Variants in MYCBP2 observed in about 807,000 individuals in gnomAD.
MYCBP2 encodes E3 ubiquitin-protein ligase MYCBP2.
Under a neutral mutation model 525.3 loss-of-function variants are expected in MYCBP2, and 120 were observed. The ratio of observed to expected loss-of-function variants is 0.23; its 90% CI spans 0.20 to 0.27. The LOEUF (loss-of-function observed/expected upper bound fraction) is 0.27. Among genes scored for constraint, MYCBP2 ranks in the 10% least tolerant of loss-of-function variants. The pLI is 1.00. For missense variants in MYCBP2, 4,149 were observed against 5,657.1 expected (o/e 0.73, Z 8.55); for synonymous variants, 1,894 against 1,955.8 (o/e 0.97, Z 0.83).
At chr13:77,276,157 C>G (rs764662074) in intron 4 of MYCBP2, among the ~76,000 whole-genome samples, 2 of 151,988 alleles carry the variant, frequency 1.3e-5, no homozygotes, top group Non-Finnish European at 2.9e-5. Context: ...AGTGAGTACT[C>G]GAGAATATAA....
chr13:77,178,564 T>C (rs1298150800), intron 34 of MYCBP2, among the ~76,000 whole-genome samples: 4 of 152,280 alleles, frequency 2.6e-5, no homozygotes, highest in East Asian at 1.9e-4. Flanking sequence ...ATACTAATTA[T>C]AGACTTTCAC....
chr13:77,210,065 A>G (rs2063789629), intron 23 of MYCBP2, among the ~76,000 whole-genome samples: 1 of 152,178 alleles, frequency 6.6e-6, no homozygotes, highest in Non-Finnish European at 1.5e-5. Context: ...CCGCAAAAGG[A>G]AAGAAGTGCT....
chr13:77,077,608 G>T (rs2154098150), intron 66 of MYCBP2: 1 of 461,804 alleles, frequency 2.2e-6, no homozygotes, highest in South Asian at 4.0e-5. Context: ...GTTAATACAG[G>T]TTAAGGGATT....
chr13:77,261,747 A>C (rs114249415), intron 11 of MYCBP2, among the ~76,000 whole-genome samples: 234 of 152,204 alleles, frequency 1.5e-3, no homozygotes, highest in African/African-American at 5.3e-3. Flanking sequence ...ACAGAGACAC[A>C]AAGTGAGCAC....
chr13:77,276,277 GA>G (rs1447320117), intron 4 of MYCBP2, among the ~76,000 whole-genome samples: 9 of 151,964 alleles, frequency 5.9e-5, no homozygotes, highest in Admixed American at 1.3e-4. Flanking sequence ...TAATCATCAA[GA>G]TGTTCCACAG....
intron 49 of MYCBP2, among the ~76,000 whole-genome samples, chr13:77,142,621 G>A (rs1466568555): frequency 6.6e-6 from 1 of 152,104 alleles, no homozygotes; most frequent in Non-Finnish European, 1.5e-5. Flanking sequence ...GGGGTCCCAC[G>A]ATAAGGATTA....
chr13:77,208,084 T>G (rs974060576), intron 23 of MYCBP2, among the ~76,000 whole-genome samples: 4 of 152,108 alleles, frequency 2.6e-5, no homozygotes, highest in African/African-American at 9.7e-5. Flanking sequence ...ACATGTGGAT[T>G]CAGTAAGCCT....
rs1323891454 is a variant in MYCBP2, at chr13:77,098,375, T to C, written c.8779A>G (p.Asn2927Asp). 6.2e-7 allele frequency: 1 copy of C among 1,613,242 alleles called. No individual in the cohort carries two copies. Among genetic ancestry groups the C allele is most frequent in the Non-Finnish European group, 8.5e-7 (1 of 1,179,822 alleles). Residue 2927 changes from asparagine to aspartate, a missense_variant, in exon 56 of 83, where the codon AAC (asparagine) becomes GAC (aspartate). Around this residue, in one of 21 missense-constraint regions of MYCBP2, gnomAD observed 653 missense variants for 744.7 expected, o/e 0.88. Transcript: ENST00000544440. ...RAPSPHVVQE[N>D]LHSEVVEVCT... ...ACTTCGACCACCTCACTGTGGAGGT[T>C]TTCCTGTACCACATGGGGAGAGGGA...
At chr13:77,232,349 G>C (rs2067249751) in intron 18 of MYCBP2, among the ~76,000 whole-genome samples, 1 of 152,156 alleles carries the variant, frequency 6.6e-6, no homozygotes, top group Non-Finnish European at 1.5e-5. Context: ...AGTTGTGCTA[G>C]CTAAGGAAGA....
At chr13:77,088,492 C>G (rs975916450) in intron 61 of MYCBP2, among the ~76,000 whole-genome samples, 1 of 152,058 alleles carries the variant, frequency 6.6e-6, no homozygotes, top group African/African-American at 2.4e-5. Context: ...CACTCAAAAG[C>G]CCTACTCCTT....
chr13:77,184,543 G>C (rs1331455511), intron 32 of MYCBP2, among the ~76,000 whole-genome samples: 1 of 152,236 alleles, frequency 6.6e-6, no homozygotes, highest in South Asian at 2.1e-4. Context: ...AATCTGCATC[G>C]CTGATGTTTT....
Position 77,093,213 on chromosome 13 carries a change from G to C in MYCBP2, c.10319C>G (p.Pro3440Arg). ...PYISVTPDAS[P>R]NVFEEPESNM... Reference sequence around the variant, plus strand: ...GCTCTCTGGCTCTTCAAATACATTAGGACTTGCATCAGGAGTTACTGATAT... The same window carrying C: ...GCTCTCTGGCTCTTCAAATACATTACGACTTGCATCAGGAGTTACTGATAT... Residue 3440 changes from proline to arginine, a missense_variant, in exon 59 of 83, where the codon CCT (proline) becomes CGT (arginine). By Grantham distance (103) the Pro-to-Arg change is moderately radical (BLOSUM62 -2). Around this residue, in one of 21 missense-constraint regions of MYCBP2, gnomAD observed 509 missense variants for 789.4 expected, o/e 0.64. Transcript: ENST00000544440. 1 of 1,613,116 alleles carries C rather than the reference G, an allele frequency of 6.2e-7. No individual in the cohort carries two copies. Among genetic ancestry groups the C allele is most frequent in the Non-Finnish European group, 8.5e-7 (1 of 1,179,456 alleles).
At chr13:77,121,193 A>T (rs2050632021) in intron 55 of MYCBP2, 180 bp downstream of exon 55, 8 of 540,978 alleles carry the variant, frequency 1.5e-5, no homozygotes, top group Non-Finnish European at 2.2e-5. Context: ...AACAAAAAAC[A>T]ACAGCAAAAA....
At chr13:77,199,279 C>A in intron 26 of MYCBP2, among the ~76,000 whole-genome samples, 1 of 152,216 alleles carries the variant, frequency 6.6e-6, no homozygotes, top group Non-Finnish European at 1.5e-5. Flanking sequence ...AAAGGGGTGA[C>A]AGACGGCACC....
chr13:77,093,863 G>A (rs1161207852), intron 58 of MYCBP2, among the ~76,000 whole-genome samples: 2 of 152,094 alleles, frequency 1.3e-5, no homozygotes, highest in African/African-American at 4.8e-5. Flanking sequence ...ATTTTCTGTG[G>A]TTCAGGGTGG....
intron 69 of MYCBP2, 87 bp from the exon 70 acceptor site, chr13:77,068,918 A>G (rs905674440): frequency 6.9e-6 from 9 of 1,299,450 alleles, no homozygotes; most frequent in Non-Finnish European, 8.6e-6. Context: ...AAAGAATAAG[A>G]CAAGAATGTA....
intron 58 of MYCBP2, among the ~76,000 whole-genome samples, chr13:77,094,141 T>A (rs1176621381): frequency 6.6e-6 from 1 of 152,188 alleles, no homozygotes; most frequent in African/African-American, 2.4e-5. Flanking sequence ...CACAAAATTT[T>A]AAAAACCATA....
rs956086708 is a variant in MYCBP2 at position 77,067,093 on chromosome 13, T to C, written c.12455+488A>G. ...ATTTTCATTTTTATATAGTCAAATC[T>C]ATAAATATCTTCCTATATGATTTTG... is the stretch of plus-strand genomic sequence containing the variant. On this transcript the variant is annotated intron_variant, in intron 71 of 82. Transcript: ENST00000544440. Among the ~76,000 whole-genome samples the C allele has an allele frequency of 2.0e-5, 3 of 152,210 alleles. No homozygotes were observed. In the East Asian group the frequency reaches 5.8e-4, roughly 29 times the overall value.
At chr13:77,113,958 A>C (rs2049284390) in intron 55 of MYCBP2, among the ~76,000 whole-genome samples, 2 of 152,182 alleles carry the variant, frequency 1.3e-5, no homozygotes, top group Admixed American at 1.3e-4. Context: ...CAGGGATTAA[A>C]TCCCACAGGT....
Sources: gnomAD v4.1 joint callset for allele counts (sites outside exome capture counted in the v4.1 genomes callset) on GRCh38, gnomAD v4.1.1 for gene constraint, gnomAD v4.1.1 regional missense constraint, MANE v1.5 for transcripts, NCBI Gene and HGNC (gene_info 2026-07-23, HGNC 2026-07-21) for gene names.